The following SKIC3 variants were observed in gnomAD, a reference collection of about 807,000 sequenced individuals.
SKIC3 encodes the protein SKI3 subunit of superkiller complex.
the SKIC3 span, among the ~76,000 whole-genome samples, chr5:95,519,582 C>T: frequency 7.3e-5 from 11 of 151,634 alleles, no homozygotes; most frequent in East Asian, 1.9e-4. Flanking sequence ...GTGAAACAGG[C>T]GATTTTAAGA....
chr5:95,520,995 TG>T, the SKIC3 span, among the ~76,000 whole-genome samples: 1 of 152,144 alleles, frequency 6.6e-6, no homozygotes, highest in East Asian at 1.9e-4. Flanking sequence ...GAAATTCAAA[TG>T]GAAGAATTCT....
At chr5:95,469,747 C>A in the SKIC3 span, 24 of 1,612,516 alleles carry the variant, frequency 1.5e-5, no homozygotes, top group South Asian at 5.5e-5. Context: ...AGTGAAGAAG[C>A]ATTTATAAGA....
chr5:95,526,333 C>T, the SKIC3 span, among the ~76,000 whole-genome samples: 54 of 151,694 alleles, frequency 3.6e-4, 2 homozygotes, highest in South Asian at 8.8e-3. Flanking sequence ...TTTTGCTAAA[C>T]GTATTCTCAA....
the SKIC3 span, among the ~76,000 whole-genome samples, chr5:95,498,860 C>T: frequency 6.6e-6 from 1 of 152,110 alleles, no homozygotes; most frequent in Admixed American, 6.5e-5. Flanking sequence ...CTCCTGACCT[C>T]GTGATCCGCC....
chr5:95,486,122 C>A, the SKIC3 span, among the ~76,000 whole-genome samples: 1 of 152,150 alleles, frequency 6.6e-6, no homozygotes, highest in African/African-American at 2.4e-5. Context: ...CTGAGTCCCA[C>A]AAACCCCTGA....
chr5:95,519,475 A>G, the SKIC3 span, among the ~76,000 whole-genome samples: 1 of 152,048 alleles, frequency 6.6e-6, no homozygotes, highest in Non-Finnish European at 1.5e-5. Context: ...CCCACTGAGA[A>G]TCTGAAAGAA....
chr5:95,511,268 G>A, the SKIC3 span, among the ~76,000 whole-genome samples: 1 of 152,106 alleles, frequency 6.6e-6, no homozygotes, highest in Non-Finnish European at 1.5e-5. Flanking sequence ...AAATTAGCCG[G>A]GCGTGGTGGC....
At chr5:95,489,564 C>G in the SKIC3 span, among the ~76,000 whole-genome samples, 1 of 146,396 alleles carries the variant, frequency 6.8e-6, no homozygotes, top group Non-Finnish European at 1.5e-5. Context: ...AACTGACATG[C>G]TAACAAAGAA....
the SKIC3 span, among the ~76,000 whole-genome samples, chr5:95,549,616 C>T: frequency 6.6e-6 from 1 of 151,982 alleles, no homozygotes; most frequent in African/African-American, 2.4e-5. Context: ...TAACACAATA[C>T]GCTAGCACTG....
chr5:95,464,559 C>T, the SKIC3 span: 1 of 1,427,610 alleles, frequency 7.0e-7, no homozygotes, highest in Non-Finnish European at 9.8e-7. Flanking sequence ...TTCATTGCTT[C>T]ATTCTTACAG....
the SKIC3 span, chr5:95,513,415 C>T: frequency 1.3e-6 from 1 of 769,876 alleles, no homozygotes; most frequent in Non-Finnish European, 2.2e-6. Flanking sequence ...CTATATTGTC[C>T]AGGCTGGCCT....
At chr5:95,514,272 A>T in the SKIC3 span, among the ~76,000 whole-genome samples, 11 of 152,294 alleles carry the variant, frequency 7.2e-5, no homozygotes, top group East Asian at 1.9e-3. Flanking sequence ...TGAGAAAATT[A>T]AAATCCAGAA....
At chr5:95,506,614 A>C in the SKIC3 span, among the ~76,000 whole-genome samples, 2 of 152,164 alleles carry the variant, frequency 1.3e-5, no homozygotes, top group Non-Finnish European at 2.9e-5. Flanking sequence ...CGGTTTAATA[A>C]TATATAGCAA....
chr5:95,545,772 C>T, the SKIC3 span, among the ~76,000 whole-genome samples: 2 of 152,188 alleles, frequency 1.3e-5, no homozygotes, highest in Non-Finnish European at 2.9e-5. Context: ...CAGTCTACCA[C>T]CTTCCTAATT....
chr5:95,464,893 C>A, the SKIC3 span, among the ~76,000 whole-genome samples: 1 of 142,484 alleles, frequency 7.0e-6, no homozygotes. Flanking sequence ...ACAATTCATT[C>A]AAATTAGTAT....
At chr5:95,494,260 C>G in the SKIC3 span, among the ~76,000 whole-genome samples, 1 of 152,052 alleles carries the variant, frequency 6.6e-6, no homozygotes, top group African/African-American at 2.4e-5. Context: ...TAGCCAAAAG[C>G]AGATAATCAA....
chr5:95,507,061 T>C, the SKIC3 span: 2 of 1,526,174 alleles, frequency 1.3e-6, no homozygotes, highest in Non-Finnish European at 1.8e-6. Flanking sequence ...TAGCATTCTG[T>C]TACCTTCCTC....
chr5:95,525,720 C>T, the SKIC3 span: 39 of 1,558,496 alleles, frequency 2.5e-5, no homozygotes, highest in South Asian at 4.0e-4. Context: ...TTCAACACAA[C>T]CACAGCAATG....
chr5:95,468,165 T>C, the SKIC3 span, among the ~76,000 whole-genome samples: 1 of 152,208 alleles, frequency 6.6e-6, no homozygotes, highest in African/African-American at 2.4e-5. Flanking sequence ...ATTGAGTGTT[T>C]ATCATGCACT....
Sources: allele counts gnomAD v4.1 joint callset (sites outside exome capture counted in the v4.1 genomes callset), GRCh38; gene constraint gnomAD v4.1.1; transcripts MANE v1.5; gene names NCBI Gene and HGNC (gene_info 2026-07-23, HGNC 2026-07-21).